The following DDX6 variants were observed in gnomAD, a reference collection of about 807,000 sequenced individuals.
DDX6 encodes probable ATP-dependent RNA helicase DDX6.
A neutral mutation model predicts 60.6 loss-of-function variants in DDX6; 7 were observed. That is an observed-to-expected ratio of 0.12 (90% confidence interval 0.07 to 0.22). DDX6 has a LOEUF of 0.22. Among genes scored for constraint, DDX6 ranks in the 10% least tolerant of loss-of-function variants. DDX6 has a pLI of 1.00. For missense variants in DDX6, 270 were observed against 589.9 expected (o/e 0.46, Z 5.62); for synonymous variants, 207 against 201.0 (o/e 1.03, Z -0.25).
Position 118,761,194 on chromosome 11 carries a change from T to C in DDX6, c.742-1150A>G, listed in dbSNP as rs141827834. Among the ~76,000 whole-genome samples, 989 of 152,302 alleles carry C rather than the reference T, an allele frequency of 6.5e-3. 14 individuals are homozygous for C. Among genetic ancestry groups the C allele is most frequent in the African/African-American group, 0.022 (914 of 41,560 alleles). On this transcript the variant is annotated intron_variant, in intron 7 of 13. Transcript: ENST00000534980. ...CTGCCAGGTTGAAATCTTGCCTCCTTCATTTCTCAGCTGTGTGGGAATGTT... is the reference window on the plus strand; with the variant it reads ...CTGCCAGGTTGAAATCTTGCCTCCTCCATTTCTCAGCTGTGTGGGAATGTT...
intron 6 of DDX6, among the ~76,000 whole-genome samples, chr11:118,764,153 A>G (rs1861270132): frequency 6.6e-6 from 1 of 152,160 alleles, no homozygotes; most frequent in South Asian, 2.1e-4. Context: ...GGATCAAACA[A>G]GATAATTTTT....
At chr11:118,778,030 A>T (rs1358951533) in intron 4 of DDX6, among the ~76,000 whole-genome samples, 1 of 151,348 alleles carries the variant, frequency 6.6e-6, no homozygotes, top group African/African-American at 2.4e-5. Context: ...TAAAAAAAAA[A>T]TTGAAAAAAA....
chr11:118,753,580 C>T (rs556505533), intron 13 of DDX6, among the ~76,000 whole-genome samples: 24 of 151,774 alleles, frequency 1.6e-4, no homozygotes, highest in Admixed American at 4.6e-4. Flanking sequence ...CCTCGTGATC[C>T]GCCCACCTCG....
intron 2 of DDX6, among the ~76,000 whole-genome samples, chr11:118,782,094 T>C (rs1418550084): frequency 6.6e-6 from 1 of 152,056 alleles, no homozygotes; most frequent in East Asian, 1.9e-4. Flanking sequence ...GTGCCTGTAA[T>C]CCCAGCTACT....
rs1271887428 is a variant in DDX6 at position 118,780,654 on chromosome 11, TA to T, written c.264+466del. On this transcript the variant is annotated intron_variant, in intron 3 of 13. Transcript: ENST00000534980. Reference sequence around the variant, plus strand: ...CTCCTAAGGACTGGTGGAATAGTGTTATTTTTTTACACAAATATCATGCCAT... The same window carrying T: ...CTCCTAAGGACTGGTGGAATAGTGTTTTTTTTTACACAAATATCATGCCAT... Among the ~76,000 whole-genome samples the T allele has an allele frequency of 3.3e-5, 5 of 152,276 alleles. No homozygotes were observed. The East Asian group carries it at 9.6e-4, about 29-fold the overall frequency.
At chr11:118,772,920 T>C (rs1031367281) in intron 4 of DDX6, among the ~76,000 whole-genome samples, 3 of 152,346 alleles carry the variant, frequency 2.0e-5, no homozygotes, top group Admixed American at 6.5e-5. Context: ...TAGCCCACAC[T>C]GGGCCAGCGG....
intron 3 of DDX6, among the ~76,000 whole-genome samples, chr11:118,780,329 T>A (rs1861853373): frequency 6.6e-6 from 1 of 152,088 alleles, no homozygotes; most frequent in African/African-American, 2.4e-5. Context: ...CTTCTTTTTT[T>A]CTTCGAGAGA....
chr11:118,762,284 A>AAT (rs1555160396), intron 7 of DDX6, among the ~76,000 whole-genome samples: 24 of 149,504 alleles, frequency 1.6e-4, no homozygotes, highest in African/African-American at 3.9e-4. Context: ...AAAAAAAAAA[A>AAT]AATAATAATA....
chr11:118,783,810 CA>C (rs71044495), intron 2 of DDX6, among the ~76,000 whole-genome samples: 21 of 56,904 alleles, frequency 3.7e-4, no homozygotes, highest in South Asian at 8.4e-4. Context: ...GAGTCCATCT[CA>C]AAAAAAAAAA....
chr11:118,764,164 T>A (rs1189807910), intron 6 of DDX6, among the ~76,000 whole-genome samples: 5 of 152,148 alleles, frequency 3.3e-5, no homozygotes, highest in African/African-American at 1.2e-4. Context: ...GATAATTTTT[T>A]AAAAACCTAT....
At chr11:118,761,140 CA>C (rs1273255238) in intron 7 of DDX6, among the ~76,000 whole-genome samples, 13 of 151,502 alleles carry the variant, frequency 8.6e-5, no homozygotes, top group Non-Finnish European at 1.8e-4. Context: ...GACTCTGTCT[CA>C]AAAAAAAGTA....
At chr11:118,764,381 G>GT (rs1179732438) in intron 6 of DDX6, among the ~76,000 whole-genome samples, 3 of 151,966 alleles carry the variant, frequency 2.0e-5, no homozygotes, top group Non-Finnish European at 4.4e-5. Flanking sequence ...ATACCTTAAC[G>GT]TATTTAGTTA....
chr11:118,784,298 T>C (rs1371919131), intron 2 of DDX6, among the ~76,000 whole-genome samples: 8 of 152,078 alleles, frequency 5.3e-5, no homozygotes, highest in African/African-American at 1.9e-4. Context: ...GAGGTCCTAG[T>C]GAACCACATA....
rs782258939 is a variant in DDX6, at chr11:118,763,311, G to C, written c.647-5C>G. ...GGGTAGCAATCACCACGTGCACTATGCAAGATTTAGAAAACATACATTCTC... is the reference window on the plus strand; with the variant it reads ...GGGTAGCAATCACCACGTGCACTATCCAAGATTTAGAAAACATACATTCTC... On this transcript the variant is annotated splice_polypyrimidine_tract_variant and splice_region_variant and intron_variant, in intron 6 of 13. Transcript: ENST00000534980. 11 of 1,600,692 alleles carry C rather than the reference G, an allele frequency of 6.9e-6. No individual in the cohort carries two copies. Among genetic ancestry groups the C allele is most frequent in the South Asian group, 6.6e-5 (6 of 90,834 alleles).
rs1860765145 is a variant in DDX6 at position 118,751,422 on chromosome 11, T to TC, written c.*682dup. 1 of 151,066 alleles carries TC rather than the reference T, an allele frequency of 6.6e-6. No homozygotes were observed. Among genetic ancestry groups the TC allele is most frequent in the Non-Finnish European group, 1.5e-5 (1 of 67,858 alleles). The allele number at this position is 151,066 out of a possible 1,614,324, so 9.4% of individuals were successfully genotyped here. ...TGAACTGCAGTTGCATATCAACTCC[T>TC]CCCCAAAAAGAAAAAAAAAATGGTG... is the stretch of plus-strand genomic sequence containing the variant. On this transcript the variant is annotated 3_prime_UTR_variant, in exon 14 of 14. Transcript: ENST00000534980.
intron 13 of DDX6, among the ~76,000 whole-genome samples, chr11:118,753,336 CTTTT>C (rs34191912): frequency 3.3e-4 from 22 of 67,392 alleles, no homozygotes; most frequent in Admixed American, 7.7e-4. Context: ...GCCCAAGTGG[CTTTT>C]TTTTTTTTTT....
rs1347886160 is a variant in DDX6 at position 118,751,497 on chromosome 11, GGTA to G, written c.*605_*607del. On this transcript the variant is annotated 3_prime_UTR_variant, in exon 14 of 14. Coordinates refer to ENST00000534980, the MANE Select transcript of DDX6 (RefSeq NM_004397.6). ...CTTCTAGCCCTGGGCTCGAGTACTG[GGTA>G]GAAAGGGAAGAGACTTCAACCTGAA... 4 of 152,506 alleles carry G rather than the reference GGTA, an allele frequency of 2.6e-5. No homozygotes were observed. Among genetic ancestry groups the G allele is most frequent in the African/African-American group, 7.3e-5 (3 of 41,326 alleles). The allele number at this position is 152,506 out of a possible 1,614,324, so 9.4% of individuals were successfully genotyped here. A position where few individuals can be genotyped will look rare whatever the true frequency, so the allele number is the denominator to read the frequency against.
At chr11:118,760,172 T>C in intron 7 of DDX6, 128 bp from the exon 8 acceptor site, 1 of 893,608 alleles carries the variant, frequency 1.1e-6, no homozygotes, top group South Asian at 1.9e-5. Context: ...TGGAAAACAA[T>C]AAATTCTCTC....
chr11:118,788,449 G>C (rs927761429), intron 1 of DDX6: 5 of 152,214 alleles, frequency 3.3e-5, no homozygotes, highest in African/African-American at 1.2e-4. Context: ...CCAGGCTGGA[G>C]TGCAATGGCG....
Sources: allele counts gnomAD v4.1 joint callset (sites outside exome capture counted in the v4.1 genomes callset), GRCh38; gene constraint gnomAD v4.1.1; transcripts MANE v1.5; gene names NCBI Gene and HGNC (gene_info 2026-07-23, HGNC 2026-07-21).